Variants in MIOS observed in about 807,000 individuals in gnomAD.
MIOS encodes the protein GATOR2 complex protein MIOS.
Under a neutral mutation model 96.9 loss-of-function variants are expected in MIOS, and 52 were observed. The ratio of observed to expected loss-of-function variants is 0.54; its 90% CI spans 0.43 to 0.68. The LOEUF (loss-of-function observed/expected upper bound fraction) is 0.68, where lower values mean the gene tolerates loss of function less well. Ranked by LOEUF, MIOS falls within the 30% of genes least tolerant of loss-of-function variation. The pLI, the probability that MIOS is intolerant of heterozygous loss-of-function variation, is 0.00. For missense variants in MIOS, 1,005 were observed against 1,052.8 expected, an observed-to-expected ratio of 0.95 and a Z score of 0.63; for synonymous variants, 397 against 359.5, an observed-to-expected ratio of 1.10 and a Z score of -1.18.
At chr7:7,578,241 G>T (rs1433380586) in intron 5 of MIOS, among the ~76,000 whole-genome samples, 1 of 152,186 alleles carries the variant, frequency 6.6e-6, no homozygotes, top group African/African-American at 2.4e-5. Flanking sequence ...AAGAATGCAT[G>T]CTCTGAGGGA....
chr7:7,588,775 C>G (rs1783963667), intron 8 of MIOS, among the ~76,000 whole-genome samples: 1 of 151,958 alleles, frequency 6.6e-6, no homozygotes, highest in South Asian at 2.1e-4. Context: ...TAGTATATTT[C>G]TTCTTTGGAG....
At chr7:7,581,500 T>C (rs947854726) in intron 5 of MIOS, among the ~76,000 whole-genome samples, 5 of 152,164 alleles carry the variant, frequency 3.3e-5, no homozygotes, top group Admixed American at 3.3e-4. Flanking sequence ...TGGGCACACC[T>C]TAGCTGGGTC....
chr7:7,572,563 G>C lies in MIOS; in HGVS notation c.88G>C (p.Val30Leu). 2 of 1,614,068 alleles carry C rather than the reference G, an allele frequency of 1.2e-6. No individual in the cohort carries two copies. The highest frequency in any genetic ancestry group is 1.7e-6 in the Non-Finnish European group (2 of 1,179,948). Residue 30 changes from valine to leucine, a missense_variant, in exon 4 of 13, where the codon GTG becomes CTG. Physicochemically the swap from Val to Leu is conservative, Grantham distance 32. This residue lies in a region of MIOS where 137 missense variants were observed against 148.6 expected (regional missense o/e 0.92). Coordinates refer to ENST00000340080, the MANE Select transcript of MIOS (RefSeq NM_019005.4). This position sits in a 1 kb window ranked among gnomAD's most constrained non-coding sequence, Gnocchi z 4.8. ...VCDSELSLYHVESTVNSELKA... is the reference protein window; with the variant it reads ...VCDSELSLYHLESTVNSELKA... ...TGACTCAGAACTAAGTCTTTATCATGTGGAATCTACTGTGAATTCAGAACT... is the reference window on the plus strand; with the variant it reads ...TGACTCAGAACTAAGTCTTTATCATCTGGAATCTACTGTGAATTCAGAACT...
chr7:7,591,527 G>A lies in MIOS; in HGVS notation c.2043+1964G>A, dbSNP rs182900641. On this transcript the variant is annotated intron_variant, in intron 9 of 12. Transcript: ENST00000340080. The stretch of plus-strand genomic sequence containing the variant: ...ACTCCTGACCTCAAGTGATCTGCCC[G>A]CCCCGGCCTCCGAAAGTGTTAGGAT... Among the ~76,000 whole-genome samples the A allele has an allele frequency of 4.7e-3, 715 of 152,016 alleles. 6 individuals carry two copies. Among genetic ancestry groups the A allele is most frequent in the African/African-American group, 0.016 (680 of 41,492 alleles).
intron 6 of MIOS, among the ~76,000 whole-genome samples, chr7:7,584,571 A>C (rs1371714597): frequency 6.6e-6 from 1 of 152,156 alleles, no homozygotes; most frequent in Non-Finnish European, 1.5e-5. Flanking sequence ...AAGACCTTAA[A>C]TCTAATGTAT....
intron 11 of MIOS, among the ~76,000 whole-genome samples, chr7:7,601,294 G>T (rs9639033): frequency 1.3e-5 from 2 of 150,310 alleles, no homozygotes; most frequent in Non-Finnish European, 1.5e-5. Context: ...TTTTTTTTTT[G>T]AAAAGATCAA....
At chr7:7,589,735 C>G (rs1203591018) in intron 9 of MIOS, among the ~76,000 whole-genome samples, 172 bp downstream of exon 9, 1 of 152,186 alleles carries the variant, frequency 6.6e-6, no homozygotes. Flanking sequence ...TGTCCCTAAG[C>G]CTCTTCATTG....
Position 7,573,405 on chromosome 7 carries a change from A to G in MIOS, c.930A>G (p.Glu310=). 1 of 1,614,088 alleles carries G rather than the reference A, an allele frequency of 6.2e-7. No homozygotes were observed. The change falls in exon 4 of 13, where the codon GAA becomes GAG. Residue 310 remains glutamate, a synonymous_variant. Transcript: ENST00000340080. This position sits in a 1 kb window ranked among gnomAD's most constrained non-coding sequence, Gnocchi z 5.0. The part of the protein sequence containing the change: ...HTPTPIGDET[E]PTIIERSVQP... ...CCACTCCCATTGGGGATGAAACTGA[A>G]CCCACAATAATTGAAAGAAGTGTGC...
intron 9 of MIOS, among the ~76,000 whole-genome samples, chr7:7,593,901 A>AAAAAAAAAAAAAAAAAC (rs376486803): frequency 6.9e-6 from 1 of 145,040 alleles, no homozygotes; most frequent in South Asian, 2.2e-4. Flanking sequence ...AAAAAGAAAA[A>AAAAAAAAAAAAAAAAAC]GAAAAGAAAA....
chr7:7,575,814 A>T (rs1450388463), intron 5 of MIOS, among the ~76,000 whole-genome samples: 1 of 151,976 alleles, frequency 6.6e-6, no homozygotes, highest in Non-Finnish European at 1.5e-5. Flanking sequence ...CTCTACCCAG[A>T]CTAAAGAAAC....
chr7:7,594,878 G>T, intron 9 of MIOS, 102 bp from the exon 10 acceptor site: 12 of 391,416 alleles, frequency 3.1e-5, no homozygotes, highest in Non-Finnish European at 4.2e-5. Context: ...AAAAAAAAAA[G>T]GCCTATTTCT....
chr7:7,594,853 A>T, intron 9 of MIOS, 127 bp from the exon 10 acceptor site: 1 of 530,122 alleles, frequency 1.9e-6, no homozygotes, highest in Non-Finnish European at 2.8e-6. Context: ...ATTAGGAGCC[A>T]GCTTTTGGCA....
At chr7:7,587,848 C>A (rs1783938436) in intron 7 of MIOS, among the ~76,000 whole-genome samples, 1 of 152,118 alleles carries the variant, frequency 6.6e-6, no homozygotes, top group Admixed American at 6.5e-5. Flanking sequence ...TTACAAATTA[C>A]AAAATTAATT....
chr7:7,582,630 A>C (rs929559689), intron 5 of MIOS: 2 of 978,764 alleles, frequency 2.0e-6, no homozygotes, highest in African/African-American at 1.8e-5. Flanking sequence ...TAATGTACAG[A>C]GAAAGAAGGA....
intron 9 of MIOS, among the ~76,000 whole-genome samples, chr7:7,593,896 G>GAAAAAAAAAAAAAA (rs1362952099): frequency 7.8e-6 from 1 of 127,572 alleles, no homozygotes; most frequent in African/African-American, 3.1e-5. Context: ...AAAAAAAAAA[G>GAAAAAAAAAAAAAA]AAAAAGAAAA....
At chr7:7,606,681 A>C (rs1784539471) in intron 12 of MIOS, among the ~76,000 whole-genome samples, 1 of 152,170 alleles carries the variant, frequency 6.6e-6, no homozygotes, top group African/African-American at 2.4e-5. Context: ...CTTCTCCCTA[A>C]ACTTCAGCTT....
chr7:7,590,912 G>C (rs1257770451), intron 9 of MIOS, among the ~76,000 whole-genome samples: 1 of 152,130 alleles, frequency 6.6e-6, no homozygotes, highest in Non-Finnish European at 1.5e-5. Context: ...TGTCACAACA[G>C]TGTGATTTCA....
rs754402210 is a variant in MIOS, at chr7:7,589,496, T to A, written c.1976T>A (p.Val659Glu). Reference protein sequence around the residue: ...ILLTGLTKDGVDLMESYVDRT... With the variant: ...ILLTGLTKDGEDLMESYVDRT... ...CTTACAGGCCTTACTAAAGATGGAG[T>A]GGACTTAATGGAGAGTTATGTTGAT... The change falls in exon 9 of 13, where the codon GTG becomes GAG. Residue 659 changes from valine (V) to glutamate (E), a missense_variant. Coordinates refer to ENST00000340080, the MANE Select transcript of MIOS (RefSeq NM_019005.4). 8.1e-6 allele frequency: 13 copies of A among 1,613,326 alleles called. No homozygotes were observed. Among genetic ancestry groups the A allele is most frequent in the Non-Finnish European group, 1.1e-5 (13 of 1,179,690 alleles).
At chr7:7,594,862 C>CA (rs58139181) in intron 9 of MIOS, 118 bp from the exon 10 acceptor site, 105,718 of 370,848 alleles carry the variant, frequency 0.29, 6,613 homozygotes, top group African/African-American at 0.35. Flanking sequence ...CAGCTTTTGG[C>CA]AAAAAAAAAA....
Sources: allele counts gnomAD v4.1 joint callset (sites outside exome capture counted in the v4.1 genomes callset), GRCh38; gene constraint gnomAD v4.1.1; regional missense constraint gnomAD v4.1.1; non-coding constraint Gnocchi (gnomAD v3.1); transcripts MANE v1.5; gene names NCBI Gene and HGNC (gene_info 2026-07-23, HGNC 2026-07-21).